The following CHODL variants were observed in gnomAD, a reference collection of about 807,000 sequenced individuals.
The protein encoded by CHODL is transmembrane protein MT75.
Under a neutral mutation model 34.5 loss-of-function variants are expected in CHODL, and 29 were observed. The observed-to-expected ratio is 0.84, with a 90% confidence interval of 0.63 to 1.15. The LOEUF (loss-of-function observed/expected upper bound fraction) is 1.15. Among genes scored for constraint, CHODL ranks in the 50% most tolerant of loss-of-function variants. The pLI, the probability that CHODL is intolerant of heterozygous loss-of-function variation, is 0.00. For synonymous variants in CHODL, 125 were observed against 116.1 expected (o/e 1.08, Z -0.49); for missense variants, 332 against 332.5 (o/e 1.00, Z 0.01).
chr21:18,260,107 TG>T (rs1241861045), intron 3 of CHODL, 92 bp from the exon 4 acceptor site: 4 of 423,078 alleles, frequency 9.5e-6, no homozygotes, highest in African/African-American at 8.4e-5. Flanking sequence ...AAAATTGTGA[TG>T]TTTTTATTTT....
chr21:18,049,397 C>T (rs2064485388), intron 2 of CHODL, among the ~76,000 whole-genome samples: 2 of 152,070 alleles, frequency 1.3e-5, no homozygotes, highest in African/African-American at 4.8e-5. Flanking sequence ...TACACTGTTT[C>T]ATAATTATGA....
chr21:18,196,562 A>G (rs1255458935), intron 2 of CHODL, among the ~76,000 whole-genome samples: 1 of 152,198 alleles, frequency 6.6e-6, no homozygotes, highest in African/African-American at 2.4e-5. Context: ...CGCAAACTCA[A>G]TATGAATCCA....
rs57837589 is a variant in CHODL, at chr21:17,977,918, CAA to C, written c.-144-49939_-144-49938del. The stretch of plus-strand genomic sequence containing the variant: ...TGGCAACAGAGCAACACTCCCATCT[CAA>C]AAAAAAAAAAAAAAGAAAAAGATAC... On this transcript the variant is annotated intron_variant, in intron 1 of 6. Coordinates refer to the CHODL transcript ENST00000400127. 5.8e-5 allele frequency among the ~76,000 whole-genome samples: 4 copies of C among 68,984 alleles called. No homozygotes were observed. The East Asian group carries it at 1.3e-3, about 23-fold the overall frequency. The allele number at this position is 68,984 out of a possible 152,430, so 45.3% of individuals were successfully genotyped here.
chr21:18,156,171 T>G (rs1029109053), intron 2 of CHODL, among the ~76,000 whole-genome samples: 12 of 152,172 alleles, frequency 7.9e-5, no homozygotes, highest in Admixed American at 3.9e-4. Flanking sequence ...TGAAGAAATT[T>G]TGCACGGGTA....
At position 18,045,488 on chromosome 21, in the gene CHODL, A is replaced by C. The variant is rs144221106; in HGVS notation, c.-45+17517A>C. On this transcript the variant is annotated intron_variant, in intron 2 of 6. Transcript: ENST00000400127. ...ATTGGAGTTCAGTTGCCATAAGCCAAGGAATACCTGGAACTCCCAGAAGCT... is the reference window on the plus strand; with the variant it reads ...ATTGGAGTTCAGTTGCCATAAGCCACGGAATACCTGGAACTCCCAGAAGCT... Among the ~76,000 whole-genome samples the C allele has an allele frequency of 1.6e-3, 246 of 152,070 alleles. 2 individuals carry two copies. The highest frequency in any genetic ancestry group is 5.9e-3 in the African/African-American group (243 of 41,526).
At chr21:18,153,288 C>G (rs1360960727) in intron 2 of CHODL, among the ~76,000 whole-genome samples, 1 of 152,152 alleles carries the variant, frequency 6.6e-6, no homozygotes, top group African/African-American at 2.4e-5. Flanking sequence ...AGAATGTTGG[C>G]AGGATTCCGT....
chr21:18,059,072 G>C (rs934410419), intron 2 of CHODL, among the ~76,000 whole-genome samples: 1 of 152,148 alleles, frequency 6.6e-6, no homozygotes, highest in African/African-American at 2.4e-5. Flanking sequence ...TTTCCAGATA[G>C]AGCCTTTAGG....
At chr21:18,149,960 C>T (rs147551887) in intron 2 of CHODL, among the ~76,000 whole-genome samples, 335 of 152,266 alleles carry the variant, frequency 2.2e-3, no homozygotes, top group African/African-American at 5.2e-3. Context: ...CTCAGGAGGT[C>T]GTGAGAACAT....
chr21:18,019,139 C>T (rs2146423097), intron 1 of CHODL, among the ~76,000 whole-genome samples: 1 of 152,274 alleles, frequency 6.6e-6, no homozygotes, highest in South Asian at 2.1e-4. Context: ...ACCATGCTTG[C>T]TACATATTAA....
intron 1 of CHODL, 104 bp downstream of exon 1, chr21:18,245,406 C>A: frequency 2.1e-6 from 2 of 957,450 alleles, no homozygotes; most frequent in South Asian, 1.7e-5. Flanking sequence ...CGTTGGAAAC[C>A]TGCATGGTGT....
intron 1 of CHODL, among the ~76,000 whole-genome samples, chr21:17,919,467 G>T (rs1347890923): frequency 6.6e-6 from 1 of 152,192 alleles, no homozygotes; most frequent in Admixed American, 6.5e-5. Flanking sequence ...AGCCCAAGCT[G>T]TTACTTTTAG....
intron 2 of CHODL, among the ~76,000 whole-genome samples, chr21:18,042,590 T>G (rs1397073770): frequency 6.6e-6 from 1 of 151,978 alleles, no homozygotes; most frequent in Non-Finnish European, 1.5e-5. Flanking sequence ...CTCTAAACCA[T>G]AGCTTAGTGA....
rs187664076 is a variant in CHODL, at chr21:17,936,975, G to A, written c.-145+19575G>A. Among the ~76,000 whole-genome samples the A allele has an allele frequency of 1.1e-4, 17 of 151,950 alleles. 1 individual carries two copies. In the East Asian group the frequency reaches 3.3e-3, roughly 29 times the overall value. On this transcript the variant is annotated intron_variant, in intron 1 of 6. Coordinates refer to the CHODL transcript ENST00000400127. ...TGTAATCCCAGCTACTCAGGAGGCT[G>A]AGGCAGGAGAATCACTTGAACCCTG...
At position 18,107,232 on chromosome 21, in the gene CHODL, G is replaced by A. The variant is rs559494067; in HGVS notation, c.-45+79261G>A. 4.6e-5 allele frequency among the ~76,000 whole-genome samples: 7 copies of A among 152,332 alleles called. No individual in the cohort carries two copies. In the South Asian group the frequency reaches 1.4e-3, roughly 32 times the overall value. On this transcript the variant is annotated intron_variant, in intron 2 of 6. Coordinates refer to the CHODL transcript ENST00000400127. The stretch of plus-strand genomic sequence containing the variant: ...TGAATTGCTGGAAGCTTAATCAGAT[G>A]GTTGCTCTTATAGCAGCTGTAGTTT...
upstream of CHODL, among the ~76,000 whole-genome samples, chr21:18,244,508 C>T (rs1006699229): frequency 1.3e-5 from 2 of 152,160 alleles, no homozygotes; most frequent in African/African-American, 4.8e-5. Context: ...AAGAGAAAGG[C>T]CACACAACTT....
chr21:18,002,152 C>T (rs113326758), intron 1 of CHODL, among the ~76,000 whole-genome samples: 45 of 152,182 alleles, frequency 3.0e-4, no homozygotes, highest in Admixed American at 1.4e-3. Flanking sequence ...GGCTGGAAAA[C>T]AATACATCAT....
intron 2 of CHODL, among the ~76,000 whole-genome samples, chr21:18,212,148 ACACTGATGT>A (rs371148063): frequency 1.2e-4 from 19 of 152,290 alleles, no homozygotes; most frequent in African/African-American, 4.1e-4. Flanking sequence ...AAATAGCTGA[ACACTGATGT>A]CTAATATGTT....
intron 1 of CHODL, among the ~76,000 whole-genome samples, chr21:17,938,096 G>A (rs111300222): frequency 6.6e-6 from 1 of 152,048 alleles, no homozygotes; most frequent in African/African-American, 2.4e-5. Flanking sequence ...CATTACATTT[G>A]GTTTATTAAT....
At chr21:18,151,246 C>T (rs2072964387) in intron 2 of CHODL, among the ~76,000 whole-genome samples, 1 of 152,116 alleles carries the variant, frequency 6.6e-6, no homozygotes, top group Admixed American at 6.5e-5. Flanking sequence ...TGCCGGGTTT[C>T]CCGCTTAGCC....
Sources: allele counts gnomAD v4.1 joint callset (sites outside exome capture counted in the v4.1 genomes callset), GRCh38; gene constraint gnomAD v4.1.1; transcripts MANE v1.5; gene names NCBI Gene and HGNC (gene_info 2026-07-23, HGNC 2026-07-21).